Variants in DLG2 observed in about 807,000 individuals in gnomAD.
The protein encoded by DLG2 is discs large MAGUK scaffold protein 2.
A neutral mutation model predicts 132.5 loss-of-function variants in DLG2; 45 were observed. That is an observed-to-expected ratio of 0.34 (90% CI 0.27 to 0.44). The LOEUF (loss-of-function observed/expected upper bound fraction) is 0.44. DLG2 is among the 20% of genes least tolerant of loss of function. DLG2 has a pLI of 1.00. For missense variants in DLG2, 1,045 were observed against 1,196.9 expected (o/e 0.87, Z 1.87); for synonymous variants, 424 against 419.6 (o/e 1.01, Z -0.13).
intron 7 of DLG2, among the ~76,000 whole-genome samples, chr11:84,402,667 G>T (rs1353233658): frequency 3.3e-5 from 5 of 151,936 alleles, no homozygotes; most frequent in Non-Finnish European, 7.4e-5. Context: ...CGGACCACGA[G>T]CTCAGGAGAT....
rs986571518 is a variant in DLG2 at position 83,480,349 on chromosome 11, C to T, written c.2293+3780G>A. On this transcript the variant is annotated intron_variant, in intron 22 of 27. Coordinates refer to ENST00000376104, the MANE Select transcript of DLG2 (RefSeq NM_001142699.3). ...ATGGGGCAATTGCAAAGAAAATAAC[C>T]GCAAACCAAAGCAGTAACTTACGGT... 1.7e-5 allele frequency: 26 copies of T among 1,532,816 alleles called. No homozygotes were observed. The Admixed American group carries it at 2.2e-4, about 13-fold the overall frequency. The allele number at this position is 1,532,816 out of a possible 1,614,324, so 95.0% of individuals were successfully genotyped here. A position where few individuals can be genotyped will look rare whatever the true frequency, so the allele number is the denominator to read the frequency against.
chr11:83,591,025 G>A (rs2097178611), intron 19 of DLG2, among the ~76,000 whole-genome samples: 1 of 152,146 alleles, frequency 6.6e-6, no homozygotes, highest in South Asian at 2.1e-4. Flanking sequence ...AAAGAGTCCA[G>A]GACCAGATGG....
chr11:85,441,711 T>C (rs932397348), intron 3 of DLG2, among the ~76,000 whole-genome samples: 1 of 152,168 alleles, frequency 6.6e-6, no homozygotes, highest in African/African-American at 2.4e-5. Context: ...GATTCACTCA[T>C]CTAAAAACTA....
At chr11:84,074,463 T>C (rs900673940) in intron 10 of DLG2, among the ~76,000 whole-genome samples, 13 of 152,016 alleles carry the variant, frequency 8.6e-5, no homozygotes, top group South Asian at 8.3e-4. Context: ...TACCCAAACA[T>C]GTTGGCTCAC....
chr11:84,774,698 C>A (rs1295922132), intron 6 of DLG2, among the ~76,000 whole-genome samples: 1 of 152,068 alleles, frequency 6.6e-6, no homozygotes. Context: ...GGAGAGAGGA[C>A]TTTCTAGTCA....
intron 6 of DLG2, among the ~76,000 whole-genome samples, chr11:84,553,793 A>C (rs2099406566): frequency 6.6e-6 from 1 of 152,262 alleles, no homozygotes; most frequent in Non-Finnish European, 1.5e-5. Flanking sequence ...CACATGTTAC[A>C]ATATAGATAA....
chr11:85,087,231 A>G (rs1212599859), intron 6 of DLG2, among the ~76,000 whole-genome samples: 1 of 152,236 alleles, frequency 6.6e-6, no homozygotes, highest in African/African-American at 2.4e-5. Context: ...GTACAATTAC[A>G]AATTGTGATA....
chr11:85,457,314 T>G (rs2092455232), intron 3 of DLG2, among the ~76,000 whole-genome samples: 1 of 152,118 alleles, frequency 6.6e-6, no homozygotes, highest in Non-Finnish European at 1.5e-5. Context: ...TCCCTTTGTT[T>G]TGGGCCTATG....
intron 6 of DLG2, among the ~76,000 whole-genome samples, chr11:85,071,049 CCT>C (rs2065792389): frequency 6.6e-6 from 1 of 151,816 alleles, no homozygotes; most frequent in South Asian, 2.1e-4. Flanking sequence ...TCTCTCTACG[CCT>C]CTGTTTCATC....
intron 6 of DLG2, among the ~76,000 whole-genome samples, chr11:84,963,109 G>A (rs766990300): frequency 1.4e-4 from 21 of 152,116 alleles, no homozygotes; most frequent in Non-Finnish European, 3.1e-4. Flanking sequence ...AAGGTCAAAT[G>A]TCTAATTACC....
intron 6 of DLG2, among the ~76,000 whole-genome samples, chr11:85,039,052 A>G (rs1180846271): frequency 6.6e-6 from 1 of 152,008 alleles, no homozygotes; most frequent in Non-Finnish European, 1.5e-5. Context: ...TCATTCTTTT[A>G]AAATCACTTC....
rs751580981 is a variant in DLG2, at chr11:83,541,863, A to C, written c.1941-5T>G. On this transcript the variant is annotated splice_region_variant and splice_polypyrimidine_tract_variant and intron_variant, in intron 19 of 27. Transcript: ENST00000376104. ...TTGTCGTAGTCGAACATGGCTCTGGAGGAAAGGACAAAAGAGGACATTGTT... is the reference window on the plus strand; with the variant it reads ...TTGTCGTAGTCGAACATGGCTCTGGCGGAAAGGACAAAAGAGGACATTGTT... The C allele has an allele frequency of 1.9e-6, 3 of 1,598,052 alleles. No individual in the cohort carries two copies. The Admixed American group carries it at 5.1e-5, about 27-fold the overall frequency.
chr11:85,339,178 G>A (rs184683066), intron 3 of DLG2, among the ~76,000 whole-genome samples: 6 of 152,196 alleles, frequency 3.9e-5, no homozygotes, highest in African/African-American at 9.6e-5. Flanking sequence ...ATATCAGTCT[G>A]TACAGATCTT....
chr11:83,758,906 A>G (rs2093771877), intron 18 of DLG2, among the ~76,000 whole-genome samples: 1 of 152,112 alleles, frequency 6.6e-6, no homozygotes, highest in South Asian at 2.1e-4. Context: ...CGACTGCTGA[A>G]CTTTTGATGA....
chr11:85,452,997 A>G (rs747818271), intron 3 of DLG2: 22 of 185,906 alleles, frequency 1.2e-4, no homozygotes, highest in Non-Finnish European at 2.3e-4. Context: ...CAGTATTTGA[A>G]CCCGAGCCAT....
intron 3 of DLG2, among the ~76,000 whole-genome samples, chr11:85,432,049 T>C (rs1036557057): frequency 6.6e-6 from 1 of 151,976 alleles, no homozygotes; most frequent in Non-Finnish European, 1.5e-5. Flanking sequence ...TGGAGCGAAC[T>C]CCCAGCAAAC....
chr11:85,450,062 G>T (rs1461085430), intron 3 of DLG2, among the ~76,000 whole-genome samples: 1 of 152,098 alleles, frequency 6.6e-6, no homozygotes, highest in Non-Finnish European at 1.5e-5. Flanking sequence ...AGGAGGCAGA[G>T]GTTGCATGGT....
chr11:83,591,763 C>G (rs563690083), intron 19 of DLG2, among the ~76,000 whole-genome samples: 5 of 152,332 alleles, frequency 3.3e-5, no homozygotes, highest in African/African-American at 9.6e-5. Flanking sequence ...AGCCCAAAAC[C>G]TCCTTAAGCT....
chr11:84,259,764 A>C (rs2097528828), intron 7 of DLG2, among the ~76,000 whole-genome samples: 1 of 152,114 alleles, frequency 6.6e-6, no homozygotes, highest in Non-Finnish European at 1.5e-5. Context: ...TTAATAATAA[A>C]AATAATATTA....
Sources: allele counts gnomAD v4.1 joint callset (sites outside exome capture counted in the v4.1 genomes callset), GRCh38; gene constraint gnomAD v4.1.1; transcripts MANE v1.5; gene names NCBI Gene and HGNC (gene_info 2026-07-23, HGNC 2026-07-21).